Variants in CELF2 observed in about 807,000 individuals in gnomAD.
The protein encoded by CELF2 is CUGBP Elav-like family member 2.
Under a neutral mutation model 62.6 loss-of-function variants are expected in CELF2, and 8 were observed. The ratio of observed to expected loss-of-function variants is 0.13; its 90% CI spans 0.07 to 0.23. The LOEUF (loss-of-function observed/expected upper bound fraction) is 0.23, where lower values mean the gene tolerates loss of function less well. Ranked by LOEUF, CELF2 falls within the 10% of genes least tolerant of loss-of-function variation. The pLI is 1.00. For synonymous variants in CELF2, 258 were observed against 250.0 expected (o/e 1.03, Z -0.30); for missense variants, 333 against 671.0 (o/e 0.50, Z 5.56).
chr10:11,149,488 G>A (rs2062905793), intron 1 of CELF2, among the ~76,000 whole-genome samples: 1 of 152,162 alleles, frequency 6.6e-6, no homozygotes, highest in Admixed American at 6.5e-5. Flanking sequence ...AATTCCTCAG[G>A]AACGAATCTT....
chr10:11,008,260 G>A lies in CELF2; in HGVS notation c.53+2820G>A, dbSNP rs1475255963. 6.6e-6 allele frequency among the ~76,000 whole-genome samples: 1 copy of A among 152,142 alleles called. No individual in the cohort carries two copies. Among genetic ancestry groups the A allele is most frequent in the Non-Finnish European group, 1.5e-5 (1 of 68,020 alleles). Reference sequence around the variant, plus strand: ...AGCAAAAGATTCAAACTGGGAAAATGACTTCTTTCCACAGAAAGTAAATAT... The same window carrying A: ...AGCAAAAGATTCAAACTGGGAAAATAACTTCTTTCCACAGAAAGTAAATAT... On this transcript the variant is annotated intron_variant, in intron 1 of 12. Transcript: ENST00000416382. The surrounding 1 kb of genome is among the most constrained non-coding windows in gnomAD (Gnocchi z 4.5).
chr10:11,028,927 T>G (rs112366292), intron 1 of CELF2, among the ~76,000 whole-genome samples: 1,657 of 152,278 alleles, frequency 0.011, 14 homozygotes, highest in Admixed American at 0.018. Context: ...TTGGCCAGGC[T>G]AGTCTCGAAC....
intron 1 of CELF2, among the ~76,000 whole-genome samples, chr10:11,147,307 G>A (rs139265588): frequency 3.3e-5 from 5 of 152,316 alleles, no homozygotes; most frequent in South Asian, 2.1e-4. Flanking sequence ...CTCTTGGTGA[G>A]AAATTGTGGT....
At chr10:11,056,367 TA>T (rs1419419391) in intron 1 of CELF2, among the ~76,000 whole-genome samples, 4 of 152,260 alleles carry the variant, frequency 2.6e-5, no homozygotes, top group African/African-American at 9.6e-5. Flanking sequence ...TAGCTAGGAA[TA>T]GGTGCCTAAT....
At chr10:10,800,777 T>C (rs991016463) in intron 1 of CELF2, among the ~76,000 whole-genome samples, 1 of 152,230 alleles carries the variant, frequency 6.6e-6, no homozygotes, top group Non-Finnish European at 1.5e-5. Context: ...TTAAACTTTA[T>C]TTTTAACTAT....
At chr10:10,475,769 A>G in the CELF2 span, among the ~76,000 whole-genome samples, 2 of 152,098 alleles carry the variant, frequency 1.3e-5, no homozygotes, top group African/African-American at 4.8e-5. Context: ...TGCATAAAAG[A>G]CTTAACTTTT....
At chr10:10,705,909 T>G in the CELF2 span, among the ~76,000 whole-genome samples, 1 of 152,186 alleles carries the variant, frequency 6.6e-6, no homozygotes, top group African/African-American at 2.4e-5. Flanking sequence ...CACCAGATGA[T>G]AAATCAGATG....
intron 2 of CELF2, among the ~76,000 whole-genome samples, chr10:11,183,774 G>T (rs1453818718): frequency 6.6e-6 from 1 of 152,012 alleles, no homozygotes; most frequent in Non-Finnish European, 1.5e-5. Flanking sequence ...TTTTACTTGG[G>T]TTATTGCCTT....
chr10:11,109,897 G>A lies in CELF2; in HGVS notation c.75-55589G>A, dbSNP rs564730577. ...GCAGTTTAGTCAGTGGGTGGGAGTCGAGGCAGGTGAGAGAGCAGTCTGACA... is the reference window on the plus strand; with the variant it reads ...GCAGTTTAGTCAGTGGGTGGGAGTCAAGGCAGGTGAGAGAGCAGTCTGACA... On this transcript the variant is annotated intron_variant, in intron 1 of 12. Coordinates refer to ENST00000633077, the MANE Select transcript of CELF2 (RefSeq NM_001326342.2). 1.2e-4 allele frequency among the ~76,000 whole-genome samples: 18 copies of A among 152,256 alleles called. No individual in the cohort carries two copies. The South Asian group carries it at 1.2e-3, about 11-fold the overall frequency.
chr10:11,268,115 C>T lies in CELF2; in HGVS notation c.618+1438C>T, dbSNP rs2082664753. On this transcript the variant is annotated intron_variant, in intron 6 of 12. Transcript: ENST00000633077. This position sits in a 1 kb window ranked among gnomAD's most constrained non-coding sequence, Gnocchi z 4.7. ...TTACACGTGTGATGGCGTTTTGCTT[C>T]CCTCTTTCTCTTACTGAGGCCGCTC... Among the ~76,000 whole-genome samples the T allele has an allele frequency of 6.6e-6, 1 of 152,120 alleles. No individual in the cohort carries two copies. Among genetic ancestry groups the T allele is most frequent in the Non-Finnish European group, 1.5e-5 (1 of 68,010 alleles).
At chr10:10,561,779 C>A in the CELF2 span, among the ~76,000 whole-genome samples, 7 of 152,138 alleles carry the variant, frequency 4.6e-5, no homozygotes, top group Non-Finnish European at 1.0e-4. Flanking sequence ...CCACCCCTTG[C>A]CCAGGACCCT....
the CELF2 span, among the ~76,000 whole-genome samples, chr10:10,522,799 A>C: frequency 6.6e-6 from 1 of 152,132 alleles, no homozygotes; most frequent in African/African-American, 2.4e-5. Flanking sequence ...CAAACTCCTG[A>C]CTTTAAGTGA....
chr10:10,589,428 A>C, the CELF2 span, among the ~76,000 whole-genome samples: 9 of 152,240 alleles, frequency 5.9e-5, no homozygotes, highest in East Asian at 1.7e-3. Flanking sequence ...CCTTCCCATC[A>C]TAGCCTCAGC....
chr10:10,743,375 C>G, the CELF2 span, among the ~76,000 whole-genome samples: 1 of 152,176 alleles, frequency 6.6e-6, no homozygotes, highest in Non-Finnish European at 1.5e-5. Context: ...CACAATAATA[C>G]AGTTTTCTGA....
chr10:11,193,297 T>A (rs1203876809), intron 2 of CELF2, among the ~76,000 whole-genome samples: 1 of 151,770 alleles, frequency 6.6e-6, no homozygotes, highest in African/African-American at 2.4e-5. Flanking sequence ...GGAGAAAGAG[T>A]GAAATTAACC....
Position 11,335,455 on chromosome 10 carries a change from C to T in CELF2, c.*6402C>T, listed in dbSNP as rs1434647644. 3 of 152,272 alleles carry T rather than the reference C, an allele frequency of 2.0e-5. No individual in the cohort carries two copies. Among genetic ancestry groups the T allele is most frequent in the Non-Finnish European group, 4.4e-5 (3 of 68,098 alleles). 9.4% of individuals were successfully genotyped at this position (152,272 alleles called of 1,614,324 possible). A position where few individuals can be genotyped will look rare whatever the true frequency, so the allele number is the denominator to read the frequency against. ...CTTCACCCTCTCGTTGCAGCAGCCCCTCTGGCCCGAGATTGTATTTTCTAG... is the reference window on the plus strand; with the variant it reads ...CTTCACCCTCTCGTTGCAGCAGCCCTTCTGGCCCGAGATTGTATTTTCTAG... On this transcript the variant is annotated 3_prime_UTR_variant, in exon 13 of 13. Transcript: ENST00000633077. This position sits in a 1 kb window ranked among gnomAD's most constrained non-coding sequence, Gnocchi z 5.0.
In CELF2 at chr10:11,319,837, C is replaced by T; in HGVS notation, c.1097-1352C>T. ...AGAGGCGAAGTTGGCCAAATAGAAG[C>T]ACAAGTGGAGTAAACAGAACATTCC... is the stretch of plus-strand genomic sequence containing the variant. On this transcript the variant is annotated intron_variant, in intron 10 of 12. Coordinates refer to ENST00000633077, the MANE Select transcript of CELF2 (RefSeq NM_001326342.2). The surrounding 1 kb of genome is among the most constrained non-coding windows in gnomAD (Gnocchi z 4.4). 2.1e-6 allele frequency: 1 copy of T among 471,100 alleles called. No homozygotes were observed. The highest frequency in any genetic ancestry group is 1.5e-5 in the South Asian group (1 of 64,566). The allele number at this position is 471,100 out of a possible 1,614,324, so 29.2% of individuals were successfully genotyped here. A position where few individuals can be genotyped will look rare whatever the true frequency, so the allele number is the denominator to read the frequency against.
the CELF2 span, among the ~76,000 whole-genome samples, chr10:10,479,446 C>T: frequency 2.6e-5 from 4 of 152,158 alleles, no homozygotes; most frequent in African/African-American, 7.2e-5. Context: ...GGATTACAGG[C>T]ATGAGCCACC....
At chr10:10,471,183 C>A in the CELF2 span, among the ~76,000 whole-genome samples, 1 of 151,520 alleles carries the variant, frequency 6.6e-6, no homozygotes, top group African/African-American at 2.4e-5. Context: ...GATGAAAACT[C>A]CAGATGTACA....
Sources: allele counts gnomAD v4.1 joint callset (sites outside exome capture counted in the v4.1 genomes callset), GRCh38; gene constraint gnomAD v4.1.1; non-coding constraint Gnocchi (gnomAD v3.1); transcripts MANE v1.5; gene names NCBI Gene and HGNC (gene_info 2026-07-23, HGNC 2026-07-21).